The following SMIM7 variants were observed in gnomAD, a reference collection of about 807,000 sequenced individuals.
SMIM7 encodes the protein small integral membrane protein 7.
Under a neutral mutation model 13.3 loss-of-function variants are expected in SMIM7, and 12 were observed. The observed-to-expected ratio is 0.90, with a 90% CI of 0.58 to 1.46. The LOEUF is 1.46. Among genes scored for constraint, SMIM7 ranks in the 40% most tolerant of loss-of-function variants. The pLI is 0.00. For missense variants in SMIM7, 114 were observed against 94.8 expected (o/e 1.20, Z -0.84); for synonymous variants, 36 against 35.8 (o/e 1.01, Z -0.02).
chr19:16,643,963 G>C (rs1042411761), downstream of SMIM7: 1 of 152,054 alleles, frequency 6.6e-6, no homozygotes, highest in African/African-American at 2.4e-5. Context: ...ACACCTCCTA[G>C]CAACAAAGCA....
At chr19:16,645,262 G>A (rs912840097), downstream of SMIM7, 1 of 152,144 alleles carries the variant, frequency 6.6e-6, no homozygotes, top group Non-Finnish European at 1.5e-5. Context: ...TCAATGACAG[G>A]ATTCTCTTCT....
At chr19:16,631,742 T>C (rs2086322908) in intron 4 of SMIM7, 1 of 152,098 alleles carries the variant, frequency 6.6e-6, no homozygotes, top group Non-Finnish European at 1.5e-5. Context: ...ACAGGCCATT[T>C]AAAGCACAGG....
downstream of SMIM7, chr19:16,645,579 G>A (rs898409931): frequency 1.3e-5 from 2 of 151,944 alleles, no homozygotes; most frequent in Non-Finnish European, 2.9e-5. Flanking sequence ...CTTGACCCTG[G>A]TCTAGCAAGA....
intron 2 of SMIM7, 25 bp downstream of exon 2, chr19:16,659,934 C>A: frequency 2.5e-6 from 4 of 1,602,800 alleles, no homozygotes; most frequent in East Asian, 2.2e-5. Flanking sequence ...CGGATGGAGC[C>A]GCAGTCCGGC....
chr19:16,636,076 G>A (rs1171554336), intron 4 of SMIM7: 1 of 151,754 alleles, frequency 6.6e-6, no homozygotes, highest in African/African-American at 2.4e-5. Context: ...ACTGACTGCT[G>A]GATTCTCCTG....
At position 16,635,896 on chromosome 19, in the gene SMIM7, A is replaced by AT. The variant is rs1221094023; in HGVS notation, c.*138-4173_*138-4172insA. On this transcript the variant is annotated intron_variant and NMD_transcript_variant, in intron 4 of 4. Coordinates refer to the SMIM7 transcript ENST00000465250. ...AAGACCCTGTCTCAAAAAAAAAAAA[A>AT]AAAATATATATATATATATATATAT... Among the ~76,000 whole-genome samples, 33 of 136,972 alleles carry AT rather than the reference A, an allele frequency of 2.4e-4. No individual in the cohort carries two copies. The South Asian group carries it at 3.1e-3, about 13-fold the overall frequency. The allele number at this position is 136,972 out of a possible 152,430, so 89.9% of individuals were successfully genotyped here.
At chr19:16,653,037 G>A (rs139548562) in intron 4 of SMIM7, 16,231 of 1,498,392 alleles carry the variant, frequency 0.011, 121 homozygotes, top group Non-Finnish European at 0.012. Context: ...AGCCCAGGTG[G>A]AGCAGGATCT....
At chr19:16,659,678 G>C (rs190429502) in intron 2 of SMIM7, 3 of 651,044 alleles carry the variant, frequency 4.6e-6, no homozygotes, top group East Asian at 2.7e-5. Flanking sequence ...TGCGGGTGCA[G>C]GGCGGAAGGT....
At chr19:16,657,106 G>A (rs535380039) in intron 3 of SMIM7, among the ~76,000 whole-genome samples, 1 of 152,230 alleles carries the variant, frequency 6.6e-6, no homozygotes, top group East Asian at 1.9e-4. Flanking sequence ...AGGCAGCTAG[G>A]AAGACCTTAG....
chr19:16,654,336 C>G (rs2086568839), intron 3 of SMIM7, among the ~76,000 whole-genome samples: 1 of 152,194 alleles, frequency 6.6e-6, no homozygotes, highest in Non-Finnish European at 1.5e-5. Flanking sequence ...CCAAGCCCCT[C>G]TGCCTCTGAT....
Position 16,657,721 on chromosome 19 carries a change from T to C in SMIM7, c.121+1674A>G, listed in dbSNP as rs966263795. On this transcript the variant is annotated intron_variant, in intron 3 of 4. Coordinates refer to ENST00000487416, the MANE Select transcript of SMIM7 (RefSeq NM_024104.4). Reference sequence around the variant, plus strand: ...AGGGCAGGCCCCCAAAAAGGGGAGCTGCTGGAGTGTCTTCAAAATCTCAGC... The same window carrying C: ...AGGGCAGGCCCCCAAAAAGGGGAGCCGCTGGAGTGTCTTCAAAATCTCAGC... Among the ~76,000 whole-genome samples, 3 of 152,328 alleles carry C rather than the reference T, an allele frequency of 2.0e-5. No individual in the cohort carries two copies. The Middle Eastern group carries it at 0.01, about 518-fold the overall frequency.
At chr19:16,650,313 T>C (rs1360229942) in intron 4 of SMIM7, among the ~76,000 whole-genome samples, 4 of 152,248 alleles carry the variant, frequency 2.6e-5, no homozygotes, top group African/African-American at 9.6e-5. Context: ...ATGTAAGTTA[T>C]AGATGACAGT....
intron 4 of SMIM7, chr19:16,634,559 T>G (rs368212459): frequency 6.6e-6 from 1 of 151,946 alleles, no homozygotes; most frequent in Admixed American, 6.6e-5. Flanking sequence ...GGCGGGTCAC[T>G]TGAGCTCAGG....
At chr19:16,656,175 C>G (rs182615060) in intron 3 of SMIM7, among the ~76,000 whole-genome samples, 50 of 152,080 alleles carry the variant, frequency 3.3e-4, no homozygotes, top group African/African-American at 1.1e-3. Context: ...CACCTGAGGT[C>G]GCGAGTTTGA....
chr19:16,632,892 T>A lies in SMIM7; in HGVS notation c.*138-1168A>T, dbSNP rs547578794. 3.9e-5 allele frequency among the ~76,000 whole-genome samples: 6 copies of A among 152,256 alleles called. No individual in the cohort carries two copies. The South Asian group carries it at 1.0e-3, about 26-fold the overall frequency. On this transcript the variant is annotated intron_variant and NMD_transcript_variant, in intron 4 of 4. Coordinates refer to the SMIM7 transcript ENST00000465250. ...CCCTGTGGATATGAGCGTACTGAAATTCACAACTTCTAAAAGTTTATCTGA... is the reference window on the plus strand; with the variant it reads ...CCCTGTGGATATGAGCGTACTGAAAATCACAACTTCTAAAAGTTTATCTGA...
At chr19:16,655,895 G>A (rs1402064512) in intron 3 of SMIM7, among the ~76,000 whole-genome samples, 1 of 152,128 alleles carries the variant, frequency 6.6e-6, no homozygotes, top group Non-Finnish European at 1.5e-5. Context: ...GTTTAGACGA[G>A]CCTAGTATTA....
chr19:16,646,987 C>G lies in SMIM7; in HGVS notation c.*259G>C. 1 of 563,000 alleles carries G rather than the reference C, an allele frequency of 1.8e-6. No individual in the cohort carries two copies. 34.9% of individuals were successfully genotyped at this position (563,000 alleles called of 1,614,324 possible). On this transcript the variant is annotated 3_prime_UTR_variant, in exon 5 of 5. Transcript: ENST00000487416. Reference sequence around the variant, plus strand: ...TATGGGGAATGCAATTTCATCACAGCCCCTTACATAAACGCTCCTGAAACC... The same window carrying G: ...TATGGGGAATGCAATTTCATCACAGGCCCTTACATAAACGCTCCTGAAACC...
At chr19:16,638,517 A>T (rs2086378378) in intron 4 of SMIM7, among the ~76,000 whole-genome samples, 1 of 151,866 alleles carries the variant, frequency 6.6e-6, no homozygotes, top group African/African-American at 2.4e-5. Context: ...CACATTGGCC[A>T]GGCTGGCCTT....
chr19:16,652,518 G>GTCATT, intron 4 of SMIM7: 1 of 1,035,940 alleles, frequency 9.7e-7, no homozygotes, highest in South Asian at 3.6e-5. Flanking sequence ...ACAATTTCAT[G>GTCATT]TAAGTTCCTT....
Sources: allele counts gnomAD v4.1 joint callset (sites outside exome capture counted in the v4.1 genomes callset), GRCh38; gene constraint gnomAD v4.1.1; transcripts MANE v1.5; gene names NCBI Gene and HGNC (gene_info 2026-07-23, HGNC 2026-07-21).